Variants in MIA2 observed in about 807,000 individuals in gnomAD.
The protein encoded by MIA2 is MIA SH3 domain ER export factor 2.
A neutral mutation model predicts 167.8 loss-of-function variants in MIA2; 127 were observed. That is an observed-to-expected ratio of 0.76 (90% CI 0.66 to 0.88). MIA2 has a LOEUF of 0.88. Ranked by LOEUF, MIA2 falls within the 40% of genes least tolerant of loss-of-function variation. The pLI, the probability that MIA2 is intolerant of heterozygous loss-of-function variation, is 0.00. For missense variants in MIA2, 1,690 were observed against 1,624.7 expected (o/e 1.04, Z -0.69); for synonymous variants, 552 against 541.9 (o/e 1.02, Z -0.26).
intron 23 of MIA2, among the ~76,000 whole-genome samples, chr14:39,357,546 A>G (rs966700799): frequency 1.3e-5 from 2 of 152,162 alleles, no homozygotes; most frequent in Non-Finnish European, 2.9e-5. Flanking sequence ...CATTTAGCCC[A>G]TTTACATTTA....
intron 23 of MIA2, among the ~76,000 whole-genome samples, chr14:39,381,022 CAA>C (rs59734735): frequency 1.8e-5 from 2 of 109,700 alleles, no homozygotes; most frequent in African/African-American, 3.3e-5. Context: ...GTAAAAAAAA[CAA>C]AAAAAAAAAA....
intron 24 of MIA2, among the ~76,000 whole-genome samples, chr14:39,326,274 T>C (rs1221964290): frequency 6.6e-6 from 1 of 152,262 alleles, no homozygotes; most frequent in African/African-American, 2.4e-5. Context: ...CCAGTTTATC[T>C]GTTGTACATA....
At chr14:39,317,659 G>A (rs551490942) in intron 21 of MIA2, among the ~76,000 whole-genome samples, 1 of 152,262 alleles carries the variant, frequency 6.6e-6, no homozygotes, top group South Asian at 2.1e-4. Flanking sequence ...TACATTACTT[G>A]TTCAATCTAC....
intron 9 of MIA2, among the ~76,000 whole-genome samples, chr14:39,280,249 T>C (rs1277490520): frequency 6.6e-6 from 1 of 152,208 alleles, no homozygotes; most frequent in Non-Finnish European, 1.5e-5. Context: ...TTTTATAGCC[T>C]GTAGTTTTAT....
chr14:39,267,755 G>A (rs2056206029), intron 6 of MIA2, among the ~76,000 whole-genome samples: 1 of 152,230 alleles, frequency 6.6e-6, no homozygotes, highest in South Asian at 2.1e-4. Context: ...GGTGAAGAAA[G>A]CACTTGCTTA....
chr14:39,273,864 T>A (rs984068360), intron 6 of MIA2, among the ~76,000 whole-genome samples: 8 of 152,236 alleles, frequency 5.3e-5, no homozygotes, highest in African/African-American at 1.9e-4. Context: ...AGGAAGTATT[T>A]CTTCCTCCTC....
chr14:39,328,385 A>C (rs1449585476), intron 25 of MIA2, among the ~76,000 whole-genome samples: 1 of 152,088 alleles, frequency 6.6e-6, no homozygotes, highest in African/African-American at 2.4e-5. Flanking sequence ...AGATGGATAG[A>C]TTGCAAAAAT....
At chr14:39,381,234 A>C (rs567334412) in intron 23 of MIA2, among the ~76,000 whole-genome samples, 1 of 152,316 alleles carries the variant, frequency 6.6e-6, no homozygotes, top group East Asian at 1.9e-4. Flanking sequence ...GAGGAAGGAA[A>C]GATAGGCAGA....
At chr14:39,380,097 T>C (rs1436303790) in intron 23 of MIA2, among the ~76,000 whole-genome samples, 2 of 152,182 alleles carry the variant, frequency 1.3e-5, no homozygotes, top group Non-Finnish European at 2.9e-5. Context: ...TTAGATATAT[T>C]AAGCCAAGAG....
At position 39,253,151 on chromosome 14, in the gene MIA2, A is replaced by G. The variant is rs188496847; in HGVS notation, c.1867A>G (p.Ile623Val). 83 of 1,608,210 alleles carry G rather than the reference A, an allele frequency of 5.2e-5. No homozygotes were observed. In the East Asian group the frequency reaches 1.8e-3, roughly 35 times the overall value. The change falls in exon 6 of 29, where the codon ATT becomes GTT. Residue 623 changes from isoleucine (I) to valine (V), a missense_variant. Coordinates refer to ENST00000640607, the MANE Select transcript of MIA2 (RefSeq NM_001329214.4). ...YDFMNSAFSP[I>V]VILTERVVAA... ...TTTCATGAATTCTGCATTTTCACCAATTGTAATTCTTACAGAAAGGGTAAG... is the reference window on the plus strand; with the variant it reads ...TTTCATGAATTCTGCATTTTCACCAGTTGTAATTCTTACAGAAAGGGTAAG...
intron 27 of MIA2, 46 bp from the exon 28 acceptor site, chr14:39,348,697 T>C: frequency 6.2e-7 from 1 of 1,604,930 alleles, no homozygotes; most frequent in Non-Finnish European, 8.5e-7. Flanking sequence ...GGAAAATGAT[T>C]GCAAATTTAC....
intron 16 of MIA2, among the ~76,000 whole-genome samples, chr14:39,304,016 A>G (rs1418600770): frequency 6.6e-6 from 1 of 152,136 alleles, no homozygotes; most frequent in Non-Finnish European, 1.5e-5. Context: ...TTGAAAGTAA[A>G]TAGAATGAAA....
chr14:39,300,452 A>AT (rs965709992), intron 14 of MIA2, among the ~76,000 whole-genome samples: 1 of 152,024 alleles, frequency 6.6e-6, no homozygotes, highest in Admixed American at 6.6e-5. Flanking sequence ...GGATTTTTTG[A>AT]TTTTTTAGAT....
chr14:39,270,335 G>A (rs113268878), intron 6 of MIA2, among the ~76,000 whole-genome samples: 2,155 of 151,618 alleles, frequency 0.014, 52 homozygotes, highest in African/African-American at 0.049. Context: ...CTGTGTAGCT[G>A]GGACTATAGG....
At position 39,267,817 on chromosome 14, in the gene MIA2, C is replaced by T. The variant is rs532900848; in HGVS notation, c.1888-9117C>T. ...TTCCCGATTCCTAAAACTAATTAGCCTTTCCGCTATGTTGTTTATTTTGAG... is the reference window on the plus strand; with the variant it reads ...TTCCCGATTCCTAAAACTAATTAGCTTTTCCGCTATGTTGTTTATTTTGAG... On this transcript the variant is annotated intron_variant, in intron 6 of 28. Coordinates refer to ENST00000640607, the MANE Select transcript of MIA2 (RefSeq NM_001329214.4). Among the ~76,000 whole-genome samples the T allele has an allele frequency of 6.6e-4, 100 of 152,314 alleles. 2 individuals carry two copies. The South Asian group carries it at 0.02, about 30-fold the overall frequency.
rs113021625 is a variant in MIA2, at chr14:39,381,032, A to C, written c.2249-5853A>C. On this transcript the variant is annotated intron_variant, in intron 23 of 23. Coordinates refer to the MIA2 transcript ENST00000341502. ...TTTTAGTAAAAAAAACAAAAAAAAA[A>C]AAAACAAAGGTAACAATACAAAAGC... Among the ~76,000 whole-genome samples the C allele has an allele frequency of 9.9e-5, 15 of 152,104 alleles. 1 individual carries two copies. Among genetic ancestry groups the C allele is most frequent in the African/African-American group, 3.1e-4 (13 of 41,540 alleles).
At chr14:39,252,988 C>T (rs2054644663) in intron 5 of MIA2, 22 bp downstream of exon 5, 1 of 1,576,820 alleles carries the variant, frequency 6.3e-7, no homozygotes, top group Non-Finnish European at 8.7e-7. Context: ...GTTATTTATT[C>T]TCTAATGCAT....
At position 39,350,302 on chromosome 14, in the gene MIA2, T is replaced by A; in HGVS notation, c.*38T>A. On this transcript the variant is annotated 3_prime_UTR_variant, in exon 29 of 29. Transcript: ENST00000640607. ...TCTCTTCAAAAGTAATTTTGACTGA[T>A]CTCATTTTCAGTTTAAGTAACTGCT... is the stretch of plus-strand genomic sequence containing the variant. 1.0e-6 allele frequency: 1 copy of A among 989,920 alleles called. No individual in the cohort carries two copies. Among genetic ancestry groups the A allele is most frequent in the South Asian group, 2.2e-5 (1 of 46,510 alleles). 61.3% of individuals were successfully genotyped at this position (989,920 alleles called of 1,614,324 possible). A position where few individuals can be genotyped will look rare whatever the true frequency, so the allele number is the denominator to read the frequency against.
chr14:39,269,084 T>TTTTTTTA, intron 6 of MIA2: 2 of 949,894 alleles, frequency 2.1e-6, no homozygotes, highest in Non-Finnish European at 2.5e-6. Flanking sequence ...GTTTTTTTTT[T>TTTTTTTA]TTTTTTTTTT....
Sources: gnomAD v4.1 joint callset for allele counts (sites outside exome capture counted in the v4.1 genomes callset) on GRCh38, gnomAD v4.1.1 for gene constraint, MANE v1.5 for transcripts, NCBI Gene and HGNC (gene_info 2026-07-23, HGNC 2026-07-21) for gene names.